Variants in FBXL13 observed in about 807,000 individuals in gnomAD.
FBXL13 encodes F-box and leucine-rich repeat protein 13.
A neutral mutation model predicts 83.6 loss-of-function variants in FBXL13; 67 were observed. The observed-to-expected ratio is 0.80, with a 90% confidence interval of 0.66 to 0.98. The LOEUF is 0.98. Among genes scored for constraint, FBXL13 ranks in the 50% least tolerant of loss-of-function variants. The pLI is 0.00. For synonymous variants in FBXL13, 272 were observed against 299.5 expected, an observed-to-expected ratio of 0.91 and a Z score of 0.95; for missense variants, 822 against 866.5, an observed-to-expected ratio of 0.95 and a Z score of 0.64.
chr7:102,903,235 T>C (rs932823304), intron 11 of FBXL13, among the ~76,000 whole-genome samples: 1 of 152,182 alleles, frequency 6.6e-6, no homozygotes, highest in African/African-American at 2.4e-5. Flanking sequence ...TGTTGGCATA[T>C]AGAAATGCTA....
chr7:102,957,016 C>T (rs1321944206), intron 8 of FBXL13, among the ~76,000 whole-genome samples: 1 of 152,132 alleles, frequency 6.6e-6, no homozygotes, highest in East Asian at 1.9e-4. Context: ...ACTTTCTTCA[C>T]AGAATTGGAA....
chr7:102,879,453 G>GTGTGTGTGTGTGTGTGTGTT (rs1209329805), intron 14 of FBXL13, among the ~76,000 whole-genome samples: 24 of 151,668 alleles, frequency 1.6e-4, no homozygotes, highest in African/African-American at 5.8e-4. Context: ...GTGTGTGTGT[G>GTGTGTGTGTGTGTGTGTGTT]TGTGTGTGTG....
chr7:102,893,966 G>GAGAAAC (rs1554442111), intron 11 of FBXL13, among the ~76,000 whole-genome samples: 1 of 144,548 alleles, frequency 6.9e-6, no homozygotes, highest in Non-Finnish European at 1.5e-5. Flanking sequence ...AAGAAAGAGA[G>GAGAAAC]AAAGAAAGAA....
chr7:103,070,538 G>T (rs923240707), intron 1 of FBXL13, among the ~76,000 whole-genome samples: 14 of 152,296 alleles, frequency 9.2e-5, no homozygotes, highest in African/African-American at 3.1e-4. Flanking sequence ...CCATCAACAT[G>T]TGTGTTGATC....
intron 19 of FBXL13, 102 bp downstream of exon 20, chr7:102,821,938 C>G: frequency 8.0e-7 from 1 of 1,255,796 alleles, no homozygotes; most frequent in Non-Finnish European, 1.1e-6. Flanking sequence ...ATGAAACTTC[C>G]TAACACTGAA....
intron 16 of FBXL13, among the ~76,000 whole-genome samples, chr7:102,860,817 T>G (rs1806701751): frequency 6.6e-6 from 1 of 152,112 alleles, no homozygotes; most frequent in Non-Finnish European, 1.5e-5. Flanking sequence ...CGGAAAGGTT[T>G]AAAGAATGGT....
chr7:102,952,442 C>G (rs1823563502), intron 8 of FBXL13, among the ~76,000 whole-genome samples: 3 of 151,902 alleles, frequency 2.0e-5, no homozygotes, highest in Admixed American at 2.0e-4. Flanking sequence ...CTAGACTGAC[C>G]AGGAAAACAA....
chr7:102,821,654 A>G (rs2129445596), intron 19 of FBXL13, among the ~76,000 whole-genome samples: 1 of 152,354 alleles, frequency 6.6e-6, no homozygotes, highest in South Asian at 2.1e-4. Context: ...CAGTTAAAAT[A>G]CTTGCACATT....
At chr7:102,834,127 AAAGAAAGAAAG>A (rs1194037908) in intron 17 of FBXL13, among the ~76,000 whole-genome samples, 2 of 112,266 alleles carry the variant, frequency 1.8e-5, no homozygotes, top group African/African-American at 8.6e-5. Context: ...AGAAAGAAAG[AAAGAAAGAAAG>A]AAAAGAGAAG....
chr7:102,826,970 G>T, intron 18 of FBXL13: 1 of 317,046 alleles, frequency 3.2e-6, no homozygotes, highest in Admixed American at 3.0e-5. Context: ...TTATTTGTGA[G>T]AATGTAGCTG....
rs1213476355 is a variant in FBXL13, at chr7:102,894,730, TA to T, written c.1009-10419del. ...GGTCACAGAGAAAGACTTTGTCTCT[TA>T]AAAAAAAAAAAAAAGAGAGAGAGAG... On this transcript the variant is annotated intron_variant, in intron 11 of 19. Coordinates refer to ENST00000313221, the Ensembl canonical transcript of FBXL13. 8.1e-3 allele frequency among the ~76,000 whole-genome samples: 1,093 copies of T among 134,346 alleles called. 7 individuals carry two copies. The highest frequency in any genetic ancestry group is 0.056 in the East Asian group (270 of 4,838). The allele number at this position is 134,346 out of a possible 152,430, so 88.1% of individuals were successfully genotyped here.
At position 102,878,259 on chromosome 7, in the gene FBXL13, T is replaced by G. The variant is rs934736762; in HGVS notation, c.1508+72A>C. ...CCAAATGTCATGAAATCTTTGCTTTTAGGTGTCTCATGTCTCCTATTATCA... is the reference window on the plus strand; with the variant it reads ...CCAAATGTCATGAAATCTTTGCTTTGAGGTGTCTCATGTCTCCTATTATCA... On this transcript the variant is annotated intron_variant, in intron 15 of 19. Transcript: ENST00000313221. 2.5e-5 allele frequency: 33 copies of G among 1,332,438 alleles called. No individual in the cohort carries two copies. In the East Asian group the frequency reaches 7.9e-4, roughly 32 times the overall value. 82.5% of individuals were successfully genotyped at this position (1,332,438 alleles called of 1,614,324 possible). A position where few individuals can be genotyped will look rare whatever the true frequency, so the allele number is the denominator to read the frequency against.
chr7:102,981,417 C>G lies in FBXL13; in HGVS notation c.496-13300G>C, dbSNP rs554335666. 2.0e-5 allele frequency among the ~76,000 whole-genome samples: 3 copies of G among 152,266 alleles called. No homozygotes were observed. The South Asian group carries it at 6.2e-4, about 32-fold the overall frequency. On this transcript the variant is annotated intron_variant, in intron 6 of 19. Coordinates refer to ENST00000313221, the Ensembl canonical transcript of FBXL13. Reference sequence around the variant, plus strand: ...TGCACACCTTTCCCCCCCTTACCCACCTCTTTTTCTGACATTGCACACAGG... The same window carrying G: ...TGCACACCTTTCCCCCCCTTACCCAGCTCTTTTTCTGACATTGCACACAGG...
At chr7:102,874,516 A>C in intron 16 of FBXL13, 1 of 266,242 alleles carries the variant, frequency 3.8e-6, no homozygotes, top group Non-Finnish European at 5.8e-6. Flanking sequence ...AGAAGAAAAT[A>C]AAAACAGAGA....
chr7:103,001,336 T>C (rs906748032), intron 6 of FBXL13, among the ~76,000 whole-genome samples: 1 of 152,188 alleles, frequency 6.6e-6, no homozygotes, highest in Non-Finnish European at 1.5e-5. Flanking sequence ...GTAGGCAGTA[T>C]ATATCTGGGT....
At position 102,921,279 on chromosome 7, in the gene FBXL13, A is replaced by G. The variant is rs550124242; in HGVS notation, c.878+4995T>C. On this transcript the variant is annotated intron_variant, in intron 10 of 19. Transcript: ENST00000313221. The stretch of plus-strand genomic sequence containing the variant: ...CCTTTGTTAATAAGGTTGTAAAATA[A>G]CATCAAAATAAAGAGAAGCTTGATC... Among the ~76,000 whole-genome samples the G allele has an allele frequency of 1.0e-4, 16 of 152,382 alleles. No individual in the cohort carries two copies. In the South Asian group the frequency reaches 3.3e-3, roughly 32 times the overall value.
chr7:102,948,719 G>A (rs1301087441), intron 8 of FBXL13, among the ~76,000 whole-genome samples: 1 of 147,478 alleles, frequency 6.8e-6, no homozygotes, highest in Non-Finnish European at 1.5e-5. Flanking sequence ...ACCACGCCCA[G>A]CCTTTTTTTT....
chr7:102,973,384 G>A (rs1003434641), intron 6 of FBXL13: 13 of 684,488 alleles, frequency 1.9e-5, no homozygotes, highest in South Asian at 6.0e-5. Flanking sequence ...ACGTACCCCT[G>A]AAGATCGAGA....
intron 18 of FBXL13, among the ~76,000 whole-genome samples, chr7:102,828,935 C>A (rs1315915839): frequency 6.6e-6 from 1 of 152,134 alleles, no homozygotes; most frequent in Non-Finnish European, 1.5e-5. Flanking sequence ...AGTTCTCTCC[C>A]TTTTGTAGAT....
Sources: allele counts gnomAD v4.1 joint callset (sites outside exome capture counted in the v4.1 genomes callset), GRCh38; gene constraint gnomAD v4.1.1; transcripts MANE v1.5; gene names NCBI Gene and HGNC (gene_info 2026-07-23, HGNC 2026-07-21).